Variants in PTPN13 observed in about 807,000 individuals in gnomAD.
PTPN13 encodes the protein protein tyrosine phosphatase non-receptor type 13.
In PTPN13, 191 loss-of-function variants were observed where a neutral mutation model predicts 284.0. The observed-to-expected ratio is 0.67, with a 90% CI of 0.60 to 0.76. The LOEUF (loss-of-function observed/expected upper bound fraction) is 0.76. Among genes scored for constraint, PTPN13 ranks in the 30% least tolerant of loss-of-function variants. The probability of loss-of-function intolerance (pLI) is 0.00; values close to 1 mark genes in which losing one functional copy is unlikely to be tolerated. For missense variants in PTPN13, 2,797 were observed against 2,939.9 expected, an observed-to-expected ratio of 0.95 and a Z score of 1.12; for synonymous variants, 986 against 1,022.3, an observed-to-expected ratio of 0.96 and a Z score of 0.68.
At position 86,771,455 on chromosome 4, in the gene PTPN13, A is replaced by G. The variant is rs563577341; in HGVS notation, c.5088A>G (p.Ala1696=). The change falls in exon 31 of 48, where the codon GCA becomes GCG. Residue 1696 remains alanine (A), a synonymous_variant. Coordinates refer to ENST00000411767, the MANE Select transcript of PTPN13 (RefSeq NM_080683.3). ...CACAGGCACAGAGTCATCATGAAGCACCCAAGAGTCAAGAAGATACCATTT... is the reference window on the plus strand; with the variant it reads ...CACAGGCACAGAGTCATCATGAAGCGCCCAAGAGTCAAGAAGATACCATTT... ...MVSQAQSHHE[A]PKSQEDTICT... The G allele has an allele frequency of 2.4e-5, 37 of 1,565,376 alleles. No homozygotes were observed. The African/African-American group carries it at 3.4e-4, about 14-fold the overall frequency.
chr4:86,765,354 T>A, intron 25 of PTPN13, 41 bp from the exon 26 acceptor site: 1 of 1,514,524 alleles, frequency 6.6e-7, no homozygotes, highest in Non-Finnish European at 9.0e-7. Flanking sequence ...AGTGCAAAAT[T>A]TTTCATGTTA....
intron 30 of PTPN13, 93 bp from the exon 31 acceptor site, chr4:86,771,078 T>C: frequency 2.2e-6 from 3 of 1,352,836 alleles, no homozygotes; most frequent in Non-Finnish European, 3.0e-6. Context: ...CAATGCATAC[T>C]TTAGTAGAAA....
At chr4:86,700,229 A>G (rs1291246201) in intron 6 of PTPN13, among the ~76,000 whole-genome samples, 3 of 151,088 alleles carry the variant, frequency 2.0e-5, no homozygotes, top group African/African-American at 7.4e-5. Context: ...GCAATTTATT[A>G]TTATTAAGGT....
rs140713507 is a variant in PTPN13, at chr4:86,720,071, A to G, written c.1386-2141A>G. 6.5e-4 allele frequency among the ~76,000 whole-genome samples: 99 copies of G among 152,278 alleles called. 3 individuals carry two copies. The East Asian group carries it at 0.017, about 26-fold the overall frequency. ...CTATGCATCTAATTTGGAACCTATG[A>G]GTAGTTACTATTATGCCCACTTTAG... On this transcript the variant is annotated intron_variant, in intron 9 of 47. Transcript: ENST00000411767.
At chr4:86,609,322 TTAAG>T (rs1765063408) in intron 1 of PTPN13, among the ~76,000 whole-genome samples, 1 of 152,204 alleles carries the variant, frequency 6.6e-6, no homozygotes, top group African/African-American at 2.4e-5. Context: ...AAGTTTATTA[TTAAG>T]TATCTTATTT....
At chr4:86,629,801 C>G (rs1305529781) in intron 1 of PTPN13, among the ~76,000 whole-genome samples, 1 of 151,856 alleles carries the variant, frequency 6.6e-6, no homozygotes, top group Non-Finnish European at 1.5e-5. Flanking sequence ...CTCTGTTGCC[C>G]AGGCTGGAGT....
chr4:86,692,660 A>G (rs1011216833), intron 5 of PTPN13, among the ~76,000 whole-genome samples: 2 of 152,134 alleles, frequency 1.3e-5, no homozygotes, highest in Admixed American at 6.5e-5. Context: ...CTAATTTGAC[A>G]TACTTTATTT....
intron 15 of PTPN13, among the ~76,000 whole-genome samples, chr4:86,738,211 C>G (rs1326361690): frequency 1.3e-5 from 2 of 151,722 alleles, no homozygotes; most frequent in African/African-American, 4.8e-5. Context: ...GTTTTTATTT[C>G]TCCTGAGTAA....
chr4:86,635,346 A>G lies in PTPN13; in HGVS notation c.90A>G (p.Glu30=). Residue 30 remains glutamate (E), a synonymous_variant, in exon 2 of 48, where the codon GAA becomes GAG. Coordinates refer to ENST00000411767, the MANE Select transcript of PTPN13 (RefSeq NM_080683.3). ...GGGCTGTATTAAATCAAAGTGCTGA[A>G]AGTCTCCAAGAATTATTCAGAAAAG... ...EIWAVLNQSA[E]SLQELFRKVS... is the part of the protein sequence containing the mutation. 6.2e-7 allele frequency: 1 copy of G among 1,602,020 alleles called. No individual in the cohort carries two copies. Among genetic ancestry groups the G allele is most frequent in the East Asian group, 2.3e-5 (1 of 44,442 alleles).
At chr4:86,676,996 G>A (rs1032791184) in intron 3 of PTPN13, among the ~76,000 whole-genome samples, 20 of 152,056 alleles carry the variant, frequency 1.3e-4, no homozygotes, top group Admixed American at 9.2e-4. Flanking sequence ...GGCCGGGCAC[G>A]GTGGCTCACG....
intron 6 of PTPN13, among the ~76,000 whole-genome samples, chr4:86,695,771 A>G (rs1259752147): frequency 6.6e-6 from 1 of 151,178 alleles, no homozygotes; most frequent in Non-Finnish European, 1.5e-5. Context: ...TCCTACTACC[A>G]TTAAGTGGCC....
At chr4:86,789,558 T>C (rs1159520298) in intron 40 of PTPN13, among the ~76,000 whole-genome samples, 1 of 152,184 alleles carries the variant, frequency 6.6e-6, no homozygotes, top group Non-Finnish European at 1.5e-5. Context: ...ACAAATTAGG[T>C]AGTTCGTCCT....
At chr4:86,646,703 A>G (rs747184272) in intron 2 of PTPN13, among the ~76,000 whole-genome samples, 2 of 152,024 alleles carry the variant, frequency 1.3e-5, no homozygotes, top group Non-Finnish European at 2.9e-5. Context: ...TGCCATATAC[A>G]CTCCTAGTTA....
chr4:86,739,366 G>A (rs916844126), intron 15 of PTPN13, among the ~76,000 whole-genome samples: 5 of 152,164 alleles, frequency 3.3e-5, no homozygotes, highest in African/African-American at 9.7e-5. Context: ...TGGACTTATA[G>A]TTCCATGTGG....
intron 2 of PTPN13, among the ~76,000 whole-genome samples, chr4:86,650,508 C>T (rs1724965436): frequency 6.6e-6 from 1 of 152,028 alleles, no homozygotes; most frequent in South Asian, 2.1e-4. Context: ...AGGGGTTTCA[C>T]CATGTTGCCC....
At chr4:86,672,573 T>G in intron 3 of PTPN13, 30 bp downstream of exon 3, 1 of 1,536,490 alleles carries the variant, frequency 6.5e-7, no homozygotes, top group African/African-American at 1.4e-5. Context: ...GTTTGTTTTT[T>G]TATTTGGGTG....
At position 86,701,669 on chromosome 4, in the gene PTPN13, G is replaced by T; in HGVS notation, c.1063G>T (p.Gly355Cys). 6.2e-7 allele frequency: 1 copy of T among 1,613,824 alleles called. No individual in the cohort carries two copies. The highest frequency in any genetic ancestry group is 1.3e-5 in the African/African-American group (1 of 74,990). The change falls in exon 7 of 48, where the codon GGC (glycine) becomes TGC (cysteine). Residue 355 changes from glycine (G) to cysteine (C), a missense_variant. Gly to Cys is a radical substitution (Grantham distance 159, BLOSUM62 -3). Transcript: ENST00000411767. ...TGGAAGTATAGCCTTGGATATCTTTGGCCCTCAGAAAATGGATCCAATATA... is the reference window on the plus strand; with the variant it reads ...TGGAAGTATAGCCTTGGATATCTTTTGCCCTCAGAAAATGGATCCAATATA... ...SDGSIALDIF[G>C]PQKMDPIYHT...
intron 10 of PTPN13, among the ~76,000 whole-genome samples, chr4:86,723,255 C>T (rs1157267182): frequency 6.6e-6 from 1 of 152,164 alleles, no homozygotes; most frequent in East Asian, 1.9e-4. Flanking sequence ...TAAAGCAGGG[C>T]TCCACAGGCC....
At position 86,807,906 on chromosome 4, in the gene PTPN13, A is replaced by G; in HGVS notation, c.7083+9A>G. ...CCCTTGAAGATATTCAGGTAAGTGAATGAAATCTTTCCCTGTTGGAAGGTG... is the reference window on the plus strand; with the variant it reads ...CCCTTGAAGATATTCAGGTAAGTGAGTGAAATCTTTCCCTGTTGGAAGGTG... On this transcript the variant is annotated intron_variant, in intron 45 of 47. Transcript: ENST00000411767. 6.3e-7 allele frequency: 1 copy of G among 1,596,648 alleles called. No homozygotes were observed. The highest frequency in any genetic ancestry group is 8.6e-7 in the Non-Finnish European group (1 of 1,169,096).
Sources: gnomAD v4.1 joint callset for allele counts (sites outside exome capture counted in the v4.1 genomes callset) on GRCh38, gnomAD v4.1.1 for gene constraint, MANE v1.5 for transcripts, NCBI Gene and HGNC (gene_info 2026-07-23, HGNC 2026-07-21) for gene names.